The following TMEM268 variants were observed in gnomAD, a reference collection of about 807,000 sequenced individuals.
TMEM268 encodes transmembrane protein 268.
In TMEM268, 24 loss-of-function variants were observed where a neutral mutation model predicts 39.1. The ratio of observed to expected loss-of-function variants is 0.61; its 90% confidence interval spans 0.44 to 0.86. TMEM268 has a LOEUF of 0.86. Ranked by LOEUF, TMEM268 falls within the 40% of genes least tolerant of loss-of-function variation. The pLI, the probability that TMEM268 is intolerant of heterozygous loss-of-function variation, is 0.00. For synonymous variants in TMEM268, 176 were observed against 173.5 expected, an observed-to-expected ratio of 1.01 and a Z score of -0.12; for missense variants, 409 against 428.6, an observed-to-expected ratio of 0.95 and a Z score of 0.40.
chr9:114,605,891 A>G, the TMEM268 span, among the ~76,000 whole-genome samples: 1 of 152,058 alleles, frequency 6.6e-6, no homozygotes, highest in Admixed American at 6.6e-5. Context: ...AGATTGTGCC[A>G]CTGCACTCCT....
At chr9:114,637,937 G>T (rs1174340748) in intron 7 of TMEM268, among the ~76,000 whole-genome samples, 1 of 152,242 alleles carries the variant, frequency 6.6e-6, no homozygotes, top group Non-Finnish European at 1.5e-5. Flanking sequence ...TTCCTGTGTG[G>T]CCTCAGGCAG....
At position 114,617,282 on chromosome 9, in the gene TMEM268, CCCT is replaced by C; in HGVS notation, c.91_93del (p.Pro31del). On this transcript the variant is annotated inframe_deletion, in exon 2 of 9. Coordinates refer to ENST00000288502, the MANE Select transcript of TMEM268 (RefSeq NM_153045.4). ...GCTGGAGTGCCCTGCCTGGAGGGAG[CCCT>C]CCTGGCTGGGGGCAAGGTAAGATCA... The C allele has an allele frequency of 6.2e-7, 1 of 1,612,850 alleles. No individual in the cohort carries two copies. The highest frequency in any genetic ancestry group is 2.2e-5 in the East Asian group (1 of 44,758).
chr9:114,643,351 G>GCAGT lies in TMEM268; in HGVS notation c.*42_*45dup, dbSNP rs1827440924. ...GGTACTCATCTTCCTTCAAGACTGA[G>GCAGT]CAGTCAGGAAGGCTTCAGGAGCCCA... On this transcript the variant is annotated 3_prime_UTR_variant, in exon 9 of 9. Coordinates refer to ENST00000288502, the MANE Select transcript of TMEM268 (RefSeq NM_153045.4). 6.2e-7 allele frequency: 1 copy of GCAGT among 1,602,262 alleles called. No homozygotes were observed. Among genetic ancestry groups the GCAGT allele is most frequent in the Non-Finnish European group, 8.5e-7 (1 of 1,170,098 alleles).
At chr9:114,626,857 T>A in intron 3 of TMEM268, 42 bp from the exon 4 acceptor site, 1 of 1,457,682 alleles carries the variant, frequency 6.9e-7, no homozygotes, top group East Asian at 2.3e-5. Flanking sequence ...GGAAACTGGC[T>A]GTCCTGCGGC....
chr9:114,642,793 A>C (rs1827413153), intron 8 of TMEM268, among the ~76,000 whole-genome samples: 1 of 152,232 alleles, frequency 6.6e-6, no homozygotes. Flanking sequence ...CTAGGCTTAA[A>C]AAATTAGATA....
chr9:114,630,275 TATCTATCCATCCATCC>T (rs749707639), intron 5 of TMEM268, among the ~76,000 whole-genome samples: 8 of 141,642 alleles, frequency 5.6e-5, no homozygotes. Context: ...CAACAATATA[TATCTATCCATCCATCC>T]ATCCATCCAT....
intron 2 of TMEM268, among the ~76,000 whole-genome samples, chr9:114,617,878 T>A (rs536703791): frequency 2.1e-4 from 31 of 147,560 alleles, no homozygotes; most frequent in East Asian, 3.9e-4. Context: ...TTTAATTTTT[T>A]ATTTTTTTTA....
chr9:114,628,188 A>C lies in TMEM268; in HGVS notation c.412A>C (p.Thr138Pro). 1 of 1,614,082 alleles carries C rather than the reference A, an allele frequency of 6.2e-7. No homozygotes were observed. Among genetic ancestry groups the C allele is most frequent in the Non-Finnish European group, 8.5e-7 (1 of 1,180,030 alleles). ...CCACTGGGCTGGCATGCTGCTCGTG[A>C]CCCTGGCCGCGGTGAGCCTGACCTT... Reference protein sequence around the residue: ...GNHWAGMLLVTLAAVSLTLTL... With the variant: ...GNHWAGMLLVPLAAVSLTLTL... The change falls in exon 5 of 9, where the codon ACC becomes CCC. Residue 138 changes from threonine to proline, a missense_variant. Transcript: ENST00000288502.
Position 114,622,856 on chromosome 9 carries a change from C to T in TMEM268, c.107-1494C>T, listed in dbSNP as rs561107124. 2.7e-4 allele frequency among the ~76,000 whole-genome samples: 41 copies of T among 152,070 alleles called. No homozygotes were observed. In the South Asian group the frequency reaches 7.1e-3, roughly 26 times the overall value. On this transcript the variant is annotated intron_variant, in intron 2 of 8. Transcript: ENST00000288502. ...CTGTAATCCCAGTACTTTGGGAGGC[C>T]GAGGCGGGCAGATAACATGAAGCTG...
At chr9:114,640,126 TTA>T (rs1846834403) in intron 8 of TMEM268, among the ~76,000 whole-genome samples, 1 of 151,814 alleles carries the variant, frequency 6.6e-6, no homozygotes, top group African/African-American at 2.4e-5. Flanking sequence ...TTTTTTTTTT[TTA>T]AAGAGAAGAG....
In TMEM268 at chr9:114,640,392, C is replaced by T. The variant is rs151120195; in HGVS notation, c.849+1666C>T. ...TCACATTTCAGTAGGAACCTAGTGT[C>T]TGTAAAAGATGGAAAGATAGCGATA... On this transcript the variant is annotated intron_variant, in intron 8 of 8. Coordinates refer to ENST00000288502, the MANE Select transcript of TMEM268 (RefSeq NM_153045.4). Among the ~76,000 whole-genome samples, 485 of 152,294 alleles carry T rather than the reference C, an allele frequency of 3.2e-3. 15 individuals carry two copies. In the East Asian group the frequency reaches 0.047, roughly 15 times the overall value.
chr9:114,631,252 C>G (rs7047395), intron 5 of TMEM268, among the ~76,000 whole-genome samples: 103,151 of 146,484 alleles, frequency 0.7, 35,905 homozygotes, highest in East Asian at 0.76. Flanking sequence ...GCAGTGAGCT[C>G]TGATGGCAAC....
intron 1 of TMEM268, among the ~76,000 whole-genome samples, chr9:114,614,250 C>T (rs1000358830): frequency 2.0e-5 from 3 of 152,210 alleles, no homozygotes; most frequent in African/African-American, 7.2e-5. Flanking sequence ...CAGTGCAGGG[C>T]AGATACATGA....
At chr9:114,609,954 A>C (rs1376440241), upstream of TMEM268, among the ~76,000 whole-genome samples, 1 of 152,206 alleles carries the variant, frequency 6.6e-6, no homozygotes, top group Non-Finnish European at 1.5e-5. Flanking sequence ...AAGGCTGGAA[A>C]TCACCTTCAT....
chr9:114,628,351 C>T (rs1377408928), intron 5 of TMEM268, 101 bp downstream of exon 5: 3 of 1,398,720 alleles, frequency 2.1e-6, no homozygotes, highest in South Asian at 1.3e-5. Context: ...ATTTCCCTGG[C>T]CATGAAAATT....
rs767365874 is a variant in TMEM268 at position 114,645,291 on chromosome 9, T to C, written c.*1978T>C. On this transcript the variant is annotated 3_prime_UTR_variant, in exon 9 of 9. Coordinates refer to ENST00000288502, the MANE Select transcript of TMEM268 (RefSeq NM_153045.4). ...CCTACCTAGCAGACCTGGATTTTTCTTCCTGATCTGCTGCTTCCAAGTTGT... is the reference window on the plus strand; with the variant it reads ...CCTACCTAGCAGACCTGGATTTTTCCTCCTGATCTGCTGCTTCCAAGTTGT... The C allele has an allele frequency of 5.3e-5, 8 of 152,378 alleles. No homozygotes were observed. The highest frequency in any genetic ancestry group is 7.3e-5 in the Non-Finnish European group (5 of 68,040). 9.4% of individuals were successfully genotyped at this position (152,378 alleles called of 1,614,324 possible). A position where few individuals can be genotyped will look rare whatever the true frequency, so the allele number is the denominator to read the frequency against.
At chr9:114,641,793 A>G (rs34376344) in intron 8 of TMEM268, among the ~76,000 whole-genome samples, 26,560 of 151,962 alleles carry the variant, frequency 0.17, 2,477 homozygotes, top group South Asian at 0.28. Flanking sequence ...GTGCCACCAC[A>G]CCTGGCTAAA....
intron 7 of TMEM268, among the ~76,000 whole-genome samples, chr9:114,637,306 T>C (rs1175325198): frequency 9.9e-6 from 1 of 101,112 alleles, no homozygotes; most frequent in African/African-American, 4.3e-5. Flanking sequence ...TTTTTTTTTT[T>C]TCCTGAGACA....
chr9:114,628,871 G>A (rs541128406), intron 5 of TMEM268, among the ~76,000 whole-genome samples: 1 of 152,194 alleles, frequency 6.6e-6, no homozygotes, highest in African/African-American at 2.4e-5. Flanking sequence ...CCAGCTTGAT[G>A]TATGATTTTA....
Sources: allele counts gnomAD v4.1 joint callset (sites outside exome capture counted in the v4.1 genomes callset), GRCh38; gene constraint gnomAD v4.1.1; transcripts MANE v1.5; gene names NCBI Gene and HGNC (gene_info 2026-07-23, HGNC 2026-07-21).